GATM: variants seen among roughly 807,000 people sequenced by gnomAD.
The protein encoded by GATM is glycine amidinotransferase.
GATM carries 23 observed loss-of-function variants against 54.2 expected under a neutral mutation model. The ratio of observed to expected loss-of-function variants is 0.42; its 90% CI spans 0.31 to 0.60. The LOEUF (loss-of-function observed/expected upper bound fraction) is 0.60, where lower values mean the gene tolerates loss of function less well. Ranked by LOEUF, GATM falls within the 20% of genes least tolerant of loss-of-function variation. GATM has a pLI of 0.14. For missense variants in GATM, 401 were observed against 544.9 expected, an observed-to-expected ratio of 0.74 and a Z score of 2.63; for synonymous variants, 168 against 183.1, an observed-to-expected ratio of 0.92 and a Z score of 0.67.
In GATM at chr15:45,369,199, T is replaced by TAAA. The variant is rs1229049590; in HGVS notation, c.484+126_484+127insTTT. The TAAA allele has an allele frequency of 4.1e-6, 3 of 737,520 alleles. No individual in the cohort carries two copies. The African/African-American group carries it at 5.3e-5, about 13-fold the overall frequency. The allele number at this position is 737,520 out of a possible 1,614,324, so 45.7% of individuals were successfully genotyped here. ...GGACCAAACCATTCCTAAATAAATC[T>TAAA]TTAAAGTTTTCAAGAACTAGCAAAG... is the stretch of plus-strand genomic sequence containing the variant. On this transcript the variant is annotated intron_variant, in intron 3 of 8. Transcript: ENST00000396659.
Position 45,362,034 on chromosome 15 carries a change from A to G in GATM, c.*75T>C. ...AAGCACTACAGTTCATGCACTTTTT[A>G]AAGCAGGAGAATGAACCTTGCCCCT... On this transcript the variant is annotated 3_prime_UTR_variant, in exon 9 of 9. Transcript: ENST00000396659. The G allele has an allele frequency of 3.4e-6, 3 of 870,724 alleles. No individual in the cohort carries two copies. Among genetic ancestry groups the G allele is most frequent in the Non-Finnish European group, 5.9e-6 (3 of 508,834 alleles). The allele number at this position is 870,724 out of a possible 1,614,324, so 53.9% of individuals were successfully genotyped here. A position where few individuals can be genotyped will look rare whatever the true frequency, so the allele number is the denominator to read the frequency against.
intron 2 of GATM, among the ~76,000 whole-genome samples, chr15:45,372,736 T>C (rs1889563099): frequency 1.3e-5 from 2 of 152,206 alleles, no homozygotes; most frequent in South Asian, 4.1e-4. Flanking sequence ...TAAACCTTCC[T>C]GGGAGAAAAA....
At chr15:45,366,927 C>T (rs1263731385) in intron 4 of GATM, among the ~76,000 whole-genome samples, 5 of 152,062 alleles carry the variant, frequency 3.3e-5, no homozygotes, top group Non-Finnish European at 7.3e-5. Context: ...GTAAATTAAA[C>T]TTTATCATAG....
At chr15:45,363,019 A>G (rs1889387903) in intron 8 of GATM, among the ~76,000 whole-genome samples, 1 of 152,138 alleles carries the variant, frequency 6.6e-6, no homozygotes, top group South Asian at 2.1e-4. Context: ...ATGGTAGCTC[A>G]CACCCATAAT....
chr15:45,376,865 G>A, intron 1 of GATM, 46 bp from the exon 2 acceptor site: 1 of 1,518,748 alleles, frequency 6.6e-7, no homozygotes, highest in Non-Finnish European at 9.0e-7. Flanking sequence ...TGCTCTATCA[G>A]TACTTACAGA....
At chr15:45,367,541 T>C (rs1230292309) in intron 4 of GATM, among the ~76,000 whole-genome samples, 1 of 152,252 alleles carries the variant, frequency 6.6e-6, no homozygotes, top group African/African-American at 2.4e-5. Context: ...TCATTATTTA[T>C]TTCTGTCTTT....
chr15:45,389,268 T>C (rs1889841022), intron 3 of GATM, among the ~76,000 whole-genome samples: 1 of 152,240 alleles, frequency 6.6e-6, no homozygotes, highest in South Asian at 2.1e-4. Context: ...GAACACAATT[T>C]AACCTTTTTA....
At chr15:45,378,340 C>T in intron 1 of GATM, 45 bp downstream of exon 1, 3 of 1,449,422 alleles carry the variant, frequency 2.1e-6, no homozygotes, top group Non-Finnish European at 2.8e-6. Flanking sequence ...CCCGCAGGAT[C>T]GAGTGAGTCA....
chr15:45,378,365 G>A lies in GATM; in HGVS notation c.69+20C>T, dbSNP rs760198452. ...CGAGTGAGTCACGCGGCCGCCAGACGAGGCCGGTGGCGCACGCACCCGAGA... is the reference window on the plus strand; with the variant it reads ...CGAGTGAGTCACGCGGCCGCCAGACAAGGCCGGTGGCGCACGCACCCGAGA... On this transcript the variant is annotated intron_variant, in intron 1 of 8. Transcript: ENST00000396659. The A allele has an allele frequency of 4.0e-6, 6 of 1,510,726 alleles. No homozygotes were observed. The East Asian group carries it at 1.0e-4, about 26-fold the overall frequency. 93.6% of individuals were successfully genotyped at this position (1,510,726 alleles called of 1,614,324 possible).
chr15:45,388,340 G>C (rs375118990), intron 3 of GATM, among the ~76,000 whole-genome samples: 2 of 152,206 alleles, frequency 1.3e-5, no homozygotes, highest in East Asian at 1.9e-4. Flanking sequence ...CCATCGCCCT[G>C]TTTTGGTTTA....
chr15:45,366,570 C>T, intron 4 of GATM, 62 bp from the exon 5 acceptor site: 3 of 1,574,558 alleles, frequency 1.9e-6, no homozygotes, highest in South Asian at 2.2e-5. Context: ...ATTCATAAGG[C>T]ATACAGTACT....
In GATM at chr15:45,368,730, T is replaced by C. The variant is rs550959421; in HGVS notation, c.485-470A>G. 6.6e-6 allele frequency among the ~76,000 whole-genome samples: 1 copy of C among 150,802 alleles called. No homozygotes were observed. Among genetic ancestry groups the C allele is most frequent in the East Asian group, 1.9e-4 (1 of 5,148 alleles). On this transcript the variant is annotated intron_variant, in intron 3 of 8. Coordinates refer to ENST00000396659, the MANE Select transcript of GATM (RefSeq NM_001482.3). This position sits in a 1 kb window ranked among gnomAD's most constrained non-coding sequence, Gnocchi z 5.1. ...AGCAAAAAATTCGAATAACACATAC[T>C]AGATTGTTAACATGAATTGTGTGGT...
At chr15:45,375,993 G>C (rs549867143) in intron 2 of GATM, among the ~76,000 whole-genome samples, 1 of 152,168 alleles carries the variant, frequency 6.6e-6, no homozygotes, top group Non-Finnish European at 1.5e-5. Flanking sequence ...AGAGGAATGA[G>C]GCAAGATTCA....
intron 3 of GATM, among the ~76,000 whole-genome samples, chr15:45,395,797 T>C (rs539951141): frequency 6.6e-6 from 1 of 152,292 alleles, no homozygotes; most frequent in South Asian, 2.1e-4. Flanking sequence ...TGTACTATAG[T>C]GCTCTGGATG....
At chr15:45,393,275 G>A (rs148765441) in intron 3 of GATM, among the ~76,000 whole-genome samples, 14 of 152,256 alleles carry the variant, frequency 9.2e-5, no homozygotes, top group East Asian at 1.9e-4. Context: ...TGGTTATAGC[G>A]TAGCATAGTG....
chr15:45,382,483 A>C (rs1283874128), upstream of GATM, among the ~76,000 whole-genome samples: 1 of 152,088 alleles, frequency 6.6e-6, no homozygotes, highest in Non-Finnish European at 1.5e-5. Flanking sequence ...CAAACATGGC[A>C]AAACCCCATC....
At chr15:45,364,978 C>A in intron 6 of GATM, 118 bp from the exon 7 acceptor site, 1 of 803,448 alleles carries the variant, frequency 1.2e-6, no homozygotes, top group Non-Finnish European at 2.0e-6. Context: ...TCTCAGCTTC[C>A]AAAAGAAAGA....
intron 2 of GATM, among the ~76,000 whole-genome samples, chr15:45,399,249 A>G (rs1889969683): frequency 6.6e-6 from 1 of 152,248 alleles, no homozygotes; most frequent in African/African-American, 2.4e-5. Flanking sequence ...CAAAAATTAA[A>G]TTTTAACTTA....
At chr15:45,372,219 G>A (rs1429949573) in intron 2 of GATM, among the ~76,000 whole-genome samples, 1 of 152,228 alleles carries the variant, frequency 6.6e-6, no homozygotes, top group African/African-American at 2.4e-5. Flanking sequence ...TGGCACAGCT[G>A]AGAGTTGAGT....
Sources: allele counts gnomAD v4.1 joint callset (sites outside exome capture counted in the v4.1 genomes callset), GRCh38; gene constraint gnomAD v4.1.1; non-coding constraint Gnocchi (gnomAD v3.1); transcripts MANE v1.5; gene names NCBI Gene and HGNC (gene_info 2026-07-23, HGNC 2026-07-21).